The following MORN1 variants were observed in gnomAD, a reference collection of about 807,000 sequenced individuals.
MORN1 encodes the protein MORN repeat containing 1.
Under a neutral mutation model 61.9 loss-of-function variants are expected in MORN1, and 67 were observed. That is an observed-to-expected ratio of 1.08 (90% CI 0.89 to 1.33). MORN1 has a LOEUF of 1.33. Among genes scored for constraint, MORN1 ranks in the 40% most tolerant of loss-of-function variants. The pLI, the probability that MORN1 is intolerant of heterozygous loss-of-function variation, is 0.00. For synonymous variants in MORN1, 301 were observed against 292.0 expected (o/e 1.03, Z -0.31); for missense variants, 752 against 691.2 (o/e 1.09, Z -0.99).
At chr1:2,388,866 C>T (rs1377537274) in intron 2 of MORN1, among the ~76,000 whole-genome samples, 1 of 150,398 alleles carries the variant, frequency 6.6e-6, no homozygotes, top group East Asian at 2.0e-4. Context: ...AATCTCAGCA[C>T]TTTGGGAGGT....
At chr1:2,322,431 C>T (rs1211942677) in intron 13 of MORN1, 6 of 985,250 alleles carry the variant, frequency 6.1e-6, no homozygotes, top group Non-Finnish European at 7.2e-6. Flanking sequence ...AACAGCGCTC[C>T]CCTCGCAGAG....
intron 13 of MORN1, chr1:2,322,901 G>T (rs994300366): frequency 1.0e-6 from 1 of 985,318 alleles, no homozygotes. Context: ...CCACCGTGCG[G>T]CAGGCCGGGC....
intron 5 of MORN1, chr1:2,385,552 G>T (rs933497502): frequency 1.7e-5 from 5 of 287,922 alleles, no homozygotes; most frequent in East Asian, 8.0e-5. Flanking sequence ...TTTTAATCGG[G>T]GGGGGGGGGG....
In MORN1 at chr1:2,321,287, C is replaced by A; in HGVS notation, c.*96G>T. 1 of 981,502 alleles carries A rather than the reference C, an allele frequency of 1.0e-6. No individual in the cohort carries two copies. The highest frequency in any genetic ancestry group is 1.7e-5 in the South Asian group (1 of 57,172). The allele number at this position is 981,502 out of a possible 1,614,324, so 60.8% of individuals were successfully genotyped here. The stretch of plus-strand genomic sequence containing the variant: ...CTGAGCATTTTATTCAAGCCAGCAA[C>A]CACGGGGCTCTGGAGAATCGGGGAG... On this transcript the variant is annotated 3_prime_UTR_variant, in exon 14 of 14. Transcript: ENST00000378531.
chr1:2,366,055 TA>T (rs1249684246), intron 8 of MORN1, among the ~76,000 whole-genome samples: 1 of 147,134 alleles, frequency 6.8e-6, no homozygotes, highest in African/African-American at 2.5e-5. Context: ...CTATTCACAA[TA>T]GCAAAGACTT....
At position 2,387,542 on chromosome 1, in the gene MORN1, AAGG is replaced by A. The variant is rs757728014; in HGVS notation, c.248-16_248-14del. 6.3e-6 allele frequency: 10 copies of A among 1,590,388 alleles called. No homozygotes were observed. The Admixed American group carries it at 8.3e-5, about 13-fold the overall frequency. On this transcript the variant is annotated splice_polypyrimidine_tract_variant and intron_variant, in intron 3 of 13. Coordinates refer to ENST00000378531, the MANE Select transcript of MORN1 (RefSeq NM_024848.3). ...GAGAAGGTGTCTCCTGCATGTGGAC[AAGG>A]AGGAGGGGAGACAGGAGGTTCAGTT...
At chr1:2,367,154 A>G (rs1642013396) in intron 8 of MORN1, among the ~76,000 whole-genome samples, 1 of 152,138 alleles carries the variant, frequency 6.6e-6, no homozygotes, top group Non-Finnish European at 1.5e-5. Flanking sequence ...CAATTCACTC[A>G]TTCTATGAGG....
chr1:2,336,971 A>G, intron 10 of MORN1, 121 bp from the exon 11 acceptor site: 1 of 1,174,556 alleles, frequency 8.5e-7, no homozygotes, highest in Non-Finnish European at 1.1e-6. Flanking sequence ...GCCAGTCGCG[A>G]TGCCATCTTG....
In MORN1 at chr1:2,340,813, CAGGCTGCCACACAGGCCATGATGTG is replaced by C. The variant is rs1641378591; in HGVS notation, c.1037-3988_1037-3964del. 2.0e-5 allele frequency among the ~76,000 whole-genome samples: 3 copies of C among 152,180 alleles called. 1 individual carries two copies. The highest frequency in any genetic ancestry group is 1.3e-4 in the Admixed American group (2 of 15,278). ...GCAGGGCACGATGAGGGCCGCCATACAGGCTGCCACACAGGCCATGATGTGAGGCTGCCACACAGGCTACCATACA... is the reference window on the plus strand; with the variant it reads ...GCAGGGCACGATGAGGGCCGCCATACAGGCTGCCACACAGGCTACCATACA... On this transcript the variant is annotated intron_variant, in intron 10 of 13. Transcript: ENST00000378531.
At chr1:2,379,356 G>A in intron 6 of MORN1, 1 of 357,290 alleles carries the variant, frequency 2.8e-6, no homozygotes, top group Non-Finnish European at 5.6e-6. Context: ...TAAACGAACA[G>A]CCGGCGCTGG....
Position 2,372,484 on chromosome 1 carries a change from T to C in MORN1, c.742A>G (p.Lys248Glu), listed in dbSNP as rs775435501. Residue 248 changes from lysine to glutamate, a missense_variant, in exon 8 of 14, where the codon AAG (lysine) becomes GAG (glutamate). Physicochemically the swap from Lys to Glu is moderately conservative, Grantham distance 56. Transcript: ENST00000378531. The surrounding 1 kb of genome is among the most constrained non-coding windows in gnomAD (Gnocchi z 5.4). ...QLLQDHGEIA[K>E]SESGRVLQIS... ...ATCTCCCCCTGGAGATGCTTACTCT[T>C]GGCAATTTCCCCGTGGTCCTGCAGC... is the stretch of plus-strand genomic sequence containing the variant. 2.7e-5 allele frequency: 44 copies of C among 1,612,226 alleles called. No homozygotes were observed. Among genetic ancestry groups the C allele is most frequent in the Non-Finnish European group, 3.6e-5 (42 of 1,179,190 alleles).
intron 10 of MORN1, chr1:2,355,190 T>C (rs2100299258): frequency 8.1e-7 from 1 of 1,238,320 alleles, no homozygotes; most frequent in Non-Finnish European, 1.0e-6. Context: ...TAAGTATTTT[T>C]ATGCAGAAAT....
intron 10 of MORN1, among the ~76,000 whole-genome samples, chr1:2,346,908 C>T (rs896092109): frequency 3.9e-5 from 6 of 152,320 alleles, no homozygotes; most frequent in Admixed American, 2.6e-4. Context: ...TGCCCACCCC[C>T]GGCCCAGCTC....
rs112878983 is a variant in MORN1 at position 2,355,091 on chromosome 1, G to A, written c.1036+2341C>T. 2.0e-4 allele frequency: 189 copies of A among 952,448 alleles called. No homozygotes were observed. In the African/African-American group the frequency reaches 2.9e-3, roughly 15 times the overall value. 59.0% of individuals were successfully genotyped at this position (952,448 alleles called of 1,614,324 possible). ...AGTGGGGCCGGCGCGGGGGGCCCGC[G>A]CGGGGTAGGGTGCGATGCAGGCACG... On this transcript the variant is annotated intron_variant, in intron 10 of 13. Transcript: ENST00000378531.
chr1:2,375,479 C>G (rs1295554059), intron 6 of MORN1: 3 of 152,506 alleles, frequency 2.0e-5, no homozygotes, highest in African/African-American at 7.2e-5. Context: ...GGCGCTGGAG[C>G]TCTCTCTGGC....
Position 2,363,124 on chromosome 1 carries a change from C to T in MORN1, c.746-4409G>A, listed in dbSNP as rs527751574. 4.6e-5 allele frequency: 7 copies of T among 152,094 alleles called. No individual in the cohort carries two copies. The South Asian group carries it at 1.0e-3, about 23-fold the overall frequency. 9.4% of individuals were successfully genotyped at this position (152,094 alleles called of 1,614,324 possible). Reference sequence around the variant, plus strand: ...GTGGTCATTTAAATAAAAATAACAACGTATTATTAATTTTATTACATATAT... The same window carrying T: ...GTGGTCATTTAAATAAAAATAACAATGTATTATTAATTTTATTACATATAT... On this transcript the variant is annotated intron_variant, in intron 8 of 13. Coordinates refer to ENST00000378531, the MANE Select transcript of MORN1 (RefSeq NM_024848.3).
chr1:2,323,363 C>T (rs756218681), intron 13 of MORN1: 1 of 985,330 alleles, frequency 1.0e-6, no homozygotes, highest in Non-Finnish European at 1.2e-6. Context: ...GACCTTCCAG[C>T]CTTTGGCTCT....
Position 2,324,572 on chromosome 1 carries a change from A to C in MORN1, c.1251-429T>G, listed in dbSNP as rs2645074. Among the ~76,000 whole-genome samples, 3 of 151,994 alleles carry C rather than the reference A, an allele frequency of 2.0e-5. No individual in the cohort carries two copies. In the East Asian group the frequency reaches 5.8e-4, roughly 30 times the overall value. ...ACTTAGGAGCGGCGGAAGTCTCAGC[A>C]AGAGGGACCAGGAGGCCCGGCGGTG... On this transcript the variant is annotated intron_variant, in intron 12 of 13. Transcript: ENST00000378531.
intron 10 of MORN1, chr1:2,351,995 G>A: frequency 3.9e-6 from 2 of 513,628 alleles, no homozygotes; most frequent in East Asian, 4.7e-5. Flanking sequence ...CTCCAGGAAT[G>A]AGACCCCCTC....
Sources: gnomAD v4.1 joint callset for allele counts (sites outside exome capture counted in the v4.1 genomes callset) on GRCh38, gnomAD v4.1.1 for gene constraint, Gnocchi (gnomAD v3.1) non-coding constraint, MANE v1.5 for transcripts, NCBI Gene and HGNC (gene_info 2026-07-23, HGNC 2026-07-21) for gene names.